AMZ1: variants seen among roughly 807,000 people sequenced by gnomAD.
The protein encoded by AMZ1 is archaemetzincin-1.
AMZ1 carries 39 observed loss-of-function variants against 29.9 expected under a neutral mutation model. That is an observed-to-expected ratio of 1.30 (90% CI 1.01 to 1.70). The LOEUF (loss-of-function observed/expected upper bound fraction) is 1.70. AMZ1 is among the 40% of genes most tolerant of loss of function. AMZ1 has a pLI of 0.00. For synonymous variants in AMZ1, 458 were observed against 304.0 expected (o/e 1.51, Z -5.27); for missense variants, 1,041 against 680.6 (o/e 1.53, Z -5.89).
downstream of AMZ1, among the ~76,000 whole-genome samples, chr7:2,724,166 G>A (rs1180019180): frequency 6.6e-6 from 1 of 152,012 alleles, no homozygotes; most frequent in Non-Finnish European, 1.5e-5. Context: ...TGATCCACCC[G>A]CCTCAGCCTC....
At chr7:2,695,257 TGCCA>T (rs753261400) in intron 1 of AMZ1, among the ~76,000 whole-genome samples, 1 of 152,186 alleles carries the variant, frequency 6.6e-6, no homozygotes, top group Non-Finnish European at 1.5e-5. Flanking sequence ...GGTGTGAACC[TGCCA>T]GGACTGCCCT....
At chr7:2,740,713 A>T (rs1790455686) in intron 4 of AMZ1, among the ~76,000 whole-genome samples, 1 of 152,182 alleles carries the variant, frequency 6.6e-6, no homozygotes, top group South Asian at 2.1e-4. Context: ...GTTTCATAAG[A>T]TGTTTAATAG....
intron 6 of AMZ1, among the ~76,000 whole-genome samples, chr7:2,711,021 C>G (rs1788739895): frequency 6.6e-6 from 1 of 152,130 alleles, no homozygotes; most frequent in Non-Finnish European, 1.5e-5. Flanking sequence ...CTGACATGAA[C>G]TTTTAGAAAG....
At chr7:2,759,232 C>A (rs1447689069) in intron 4 of AMZ1, among the ~76,000 whole-genome samples, 1 of 151,336 alleles carries the variant, frequency 6.6e-6, no homozygotes, top group Non-Finnish European at 1.5e-5. Context: ...AAATATAACG[C>A]TGAAGAAATA....
At chr7:2,751,330 G>A (rs1791025361) in intron 4 of AMZ1, among the ~76,000 whole-genome samples, 1 of 151,102 alleles carries the variant, frequency 6.6e-6, no homozygotes, top group Non-Finnish European at 1.5e-5. Flanking sequence ...GGCCGAGGCT[G>A]CAGTGAGCCA....
downstream of AMZ1, among the ~76,000 whole-genome samples, chr7:2,722,184 T>G (rs1388796310): frequency 6.6e-6 from 1 of 152,018 alleles, no homozygotes; most frequent in Non-Finnish European, 1.5e-5. Context: ...CATGAGTAGG[T>G]GCCAAGCTTA....
chr7:2,762,551 G>A (rs778185225), upstream of AMZ1: 2 of 1,361,682 alleles, frequency 1.5e-6, no homozygotes, highest in Non-Finnish European at 2.0e-6. Context: ...CTATTCTGGA[G>A]TTAGATCCAA....
upstream of AMZ1, chr7:2,763,274 C>T (rs1236874289): frequency 7.8e-6 from 2 of 254,798 alleles, no homozygotes; most frequent in East Asian, 1.4e-4. Flanking sequence ...TTCCCAGGCC[C>T]GTGGGAGGAG....
chr7:2,722,106 G>A (rs569022439), downstream of AMZ1, among the ~76,000 whole-genome samples: 16 of 152,204 alleles, frequency 1.1e-4, no homozygotes, highest in South Asian at 1.0e-3. Context: ...TGGTCCCTTC[G>A]GCAGTGTGTC....
chr7:2,718,329 A>G lies in AMZ1; in HGVS notation c.*5451A>G, dbSNP rs57754714. ...CGCCACAGTGTGCCTGGTTTTCTGG[A>G]TACAGCATGACTGAACCGCCCCTTC... On this transcript the variant is annotated 3_prime_UTR_variant, in exon 7 of 7. Transcript: ENST00000683327. Among the ~76,000 whole-genome samples, 1 of 152,100 alleles carries G rather than the reference A, an allele frequency of 6.6e-6. No individual in the cohort carries two copies. Among genetic ancestry groups the G allele is most frequent in the Non-Finnish European group, 1.5e-5 (1 of 68,020 alleles).
At chr7:2,740,948 G>C (rs915208306) in intron 4 of AMZ1, among the ~76,000 whole-genome samples, 1 of 152,178 alleles carries the variant, frequency 6.6e-6, no homozygotes, top group African/African-American at 2.4e-5. Flanking sequence ...AGGAAGCTAA[G>C]GCAGAAGAAT....
downstream of AMZ1, among the ~76,000 whole-genome samples, chr7:2,723,644 C>A (rs932696625): frequency 6.6e-6 from 1 of 152,208 alleles, no homozygotes; most frequent in Non-Finnish European, 1.5e-5. Flanking sequence ...GCTCCCCAAG[C>A]TCTCGGGGAC....
chr7:2,724,576 G>A (rs1023638157), downstream of AMZ1, among the ~76,000 whole-genome samples: 3 of 151,866 alleles, frequency 2.0e-5, no homozygotes, highest in African/African-American at 4.8e-5. Flanking sequence ...GCTGTGTGTC[G>A]GCCCGGCAGG....
chr7:2,762,698 T>TGGAG (rs1358415206), upstream of AMZ1: 3 of 1,573,628 alleles, frequency 1.9e-6, no homozygotes, highest in Middle Eastern at 1.7e-4. Flanking sequence ...GCTGCCCGGG[T>TGGAG]GGAGGAGCGC....
At chr7:2,683,386 CCTCTGTGT>C (rs1786955003), upstream of AMZ1, among the ~76,000 whole-genome samples, 3 of 152,130 alleles carry the variant, frequency 2.0e-5, no homozygotes, top group African/African-American at 4.8e-5. Context: ...TCCGTCTTCT[CCTCTGTGT>C]CTCTGTGTCT....
intron 4 of AMZ1, among the ~76,000 whole-genome samples, chr7:2,735,219 G>A (rs993260996): frequency 6.6e-6 from 1 of 152,188 alleles, no homozygotes; most frequent in African/African-American, 2.4e-5. Context: ...AGCCCAAGAA[G>A]CATCAGCATA....
chr7:2,722,153 G>C (rs113353322), downstream of AMZ1, among the ~76,000 whole-genome samples: 1 of 152,230 alleles, frequency 6.6e-6, no homozygotes, highest in East Asian at 1.9e-4. Flanking sequence ...GCACAGGAAA[G>C]GGAGTTCAGG....
In AMZ1 at chr7:2,731,323, A is replaced by T; in HGVS notation, n.550+21507A>T. 3.1e-6 allele frequency: 5 copies of T among 1,613,722 alleles called. No individual in the cohort carries two copies. Among genetic ancestry groups the T allele is most frequent in the Non-Finnish European group, 4.2e-6 (5 of 1,179,926 alleles). On this transcript the variant is annotated intron_variant and non_coding_transcript_variant, in intron 4 of 4. Coordinates refer to the AMZ1 transcript ENST00000489665. This position sits in a 1 kb window ranked among gnomAD's most constrained non-coding sequence, Gnocchi z 6.0. ...GCTGCGGTTCCGTCTCTTCCTGTCG[A>T]AGCACTGGACCAGGTAGCGCTGGAC...
intron 1 of AMZ1, among the ~76,000 whole-genome samples, chr7:2,681,637 C>G (rs192839349): frequency 7.2e-5 from 11 of 152,288 alleles, no homozygotes; most frequent in Admixed American, 7.2e-4. Flanking sequence ...AGAGTCAAGA[C>G]AGACCCCGAC....
Sources: allele counts gnomAD v4.1 joint callset (sites outside exome capture counted in the v4.1 genomes callset), GRCh38; gene constraint gnomAD v4.1.1; non-coding constraint Gnocchi (gnomAD v3.1); transcripts MANE v1.5; gene names NCBI Gene and HGNC (gene_info 2026-07-23, HGNC 2026-07-21).